The following ENPEP variants were observed in gnomAD, a reference collection of about 807,000 sequenced individuals.
ENPEP encodes the protein AP-A.
In ENPEP, 103 loss-of-function variants were observed where a neutral mutation model predicts 114.5. That is an observed-to-expected ratio of 0.90 (90% confidence interval 0.77 to 1.06). The LOEUF (loss-of-function observed/expected upper bound fraction) is 1.06. ENPEP is among the 50% of genes least tolerant of loss of function. The probability of loss-of-function intolerance (pLI) is 0.00; values close to 1 mark genes in which losing one functional copy is unlikely to be tolerated. For missense variants in ENPEP, 1,196 were observed against 1,161.3 expected, an observed-to-expected ratio of 1.03 and a Z score of -0.43; for synonymous variants, 420 against 422.0, an observed-to-expected ratio of 1.00 and a Z score of 0.06.
chr4:110,516,285 G>A (rs539156241), intron 8 of ENPEP, among the ~76,000 whole-genome samples: 1 of 152,220 alleles, frequency 6.6e-6, no homozygotes, highest in South Asian at 2.1e-4. Flanking sequence ...ATTATTCCAG[G>A]AGATGTTTCT....
intron 14 of ENPEP, among the ~76,000 whole-genome samples, chr4:110,548,568 A>G (rs1727167599): frequency 6.6e-6 from 1 of 152,030 alleles, no homozygotes; most frequent in South Asian, 2.1e-4. Context: ...TTAGTGTTAG[A>G]AGAAATACAA....
At chr4:110,529,484 A>C (rs1726321672) in intron 10 of ENPEP, among the ~76,000 whole-genome samples, 1 of 152,154 alleles carries the variant, frequency 6.6e-6, no homozygotes, top group Admixed American at 6.5e-5. Context: ...TAGAGAAGGA[A>C]AGGAAGCCCA....
chr4:110,494,919 G>T (rs1724870442), intron 3 of ENPEP, among the ~76,000 whole-genome samples: 1 of 152,102 alleles, frequency 6.6e-6, no homozygotes. Context: ...ATTGATTAGG[G>T]TTTTAAAGTA....
chr4:110,483,326 G>A (rs1440086684), intron 1 of ENPEP, among the ~76,000 whole-genome samples: 1 of 152,154 alleles, frequency 6.6e-6, no homozygotes, highest in Non-Finnish European at 1.5e-5. Context: ...TCCCGAATCA[G>A]AAGCTCTGTG....
Position 110,509,677 on chromosome 4 carries a change from G to A in ENPEP, c.1064G>A (p.Gly355Asp). The A allele has an allele frequency of 1.9e-6, 3 of 1,612,894 alleles. No individual in the cohort carries two copies. Among genetic ancestry groups the A allele is most frequent in the Non-Finnish European group, 2.5e-6 (3 of 1,179,716 alleles). ...KLDKIAIPDF[G>D]TGAMENWGLI... is the part of the protein sequence containing the mutation. ...GATAAAATCGCTATTCCAGATTTTG[G>A]CACTGGTGCCATGGAGAACTGGGGA... Residue 355 changes from glycine (G) to aspartate (D), a missense_variant, in exon 5 of 20, where the codon GGC becomes GAC. Physicochemically the swap from Gly to Asp is moderately conservative, Grantham distance 94 (BLOSUM62 -1). Coordinates refer to ENST00000265162, the MANE Select transcript of ENPEP (RefSeq NM_001977.4).
At position 110,549,512 on chromosome 4, in the gene ENPEP, T is replaced by G. The variant is rs1359110194; in HGVS notation, c.2226-16T>G. On this transcript the variant is annotated splice_polypyrimidine_tract_variant and intron_variant, in intron 15 of 19. Transcript: ENST00000265162. The stretch of plus-strand genomic sequence containing the variant: ...AGTGCTTAAGGCCCTGGATTTGTGT[T>G]TGTTTGTTTTTTAAGGTTACTCCGT... 3.7e-6 allele frequency: 6 copies of G among 1,613,194 alleles called. No individual in the cohort carries two copies. The highest frequency in any genetic ancestry group is 1.7e-5 in the Admixed American group (1 of 59,866).
At chr4:110,516,107 G>A (rs538227256) in intron 8 of ENPEP, among the ~76,000 whole-genome samples, 2 of 152,166 alleles carry the variant, frequency 1.3e-5, no homozygotes, top group Admixed American at 6.5e-5. Context: ...ATCTATAAAG[G>A]TCATTCCTTA....
At chr4:110,549,661 G>A in intron 16 of ENPEP, 29 bp downstream of exon 16, 1 of 1,613,076 alleles carries the variant, frequency 6.2e-7, no homozygotes, top group South Asian at 1.1e-5. Flanking sequence ...ATGCTTAGAA[G>A]ACACATTTGA....
At chr4:110,509,507 T>C in intron 4 of ENPEP, 146 bp from the exon 5 acceptor site, 1 of 1,031,284 alleles carries the variant, frequency 9.7e-7, no homozygotes, top group South Asian at 2.0e-5. Flanking sequence ...GACTGAAATG[T>C]TCGCACACAT....
chr4:110,547,244 A>AATATAGTAAACTTCTATAATTT (rs1367137270), intron 13 of ENPEP, among the ~76,000 whole-genome samples: 2 of 152,234 alleles, frequency 1.3e-5, no homozygotes, highest in African/African-American at 4.8e-5. Flanking sequence ...TACACTATAG[A>AATATAGTAAACTTCTATAATTT]ATATAGTAAA....
intron 3 of ENPEP, among the ~76,000 whole-genome samples, chr4:110,498,452 C>A (rs1020423992): frequency 3.3e-5 from 5 of 152,034 alleles, no homozygotes; most frequent in Non-Finnish European, 7.4e-5. Context: ...TATAATTTAT[C>A]ATCTATAAAT....
At chr4:110,520,474 TA>T in intron 10 of ENPEP, 108 bp downstream of exon 10, 1 of 1,191,388 alleles carries the variant, frequency 8.4e-7, no homozygotes, top group Non-Finnish European at 1.2e-6. Flanking sequence ...TATACAAGTA[TA>T]AAGCCACAGT....
intron 17 of ENPEP, among the ~76,000 whole-genome samples, chr4:110,552,818 G>A (rs1459199023): frequency 2.0e-5 from 3 of 151,888 alleles, no homozygotes; most frequent in African/African-American, 7.3e-5. Context: ...AACCATATAG[G>A]TTACATTATA....
chr4:110,507,340 A>C (rs930034605), intron 4 of ENPEP, among the ~76,000 whole-genome samples: 1 of 152,236 alleles, frequency 6.6e-6, no homozygotes, highest in Non-Finnish European at 1.5e-5. Flanking sequence ...AATGGTGTGC[A>C]TATGACATTT....
At chr4:110,512,794 A>G (rs569564120) in intron 6 of ENPEP, 3 of 152,382 alleles carry the variant, frequency 2.0e-5, no homozygotes, top group Admixed American at 6.5e-5. Context: ...ATGGGTGAGG[A>G]AACTTGCTTA....
chr4:110,500,343 A>ATATG (rs1725107299), intron 3 of ENPEP, among the ~76,000 whole-genome samples: 1 of 152,216 alleles, frequency 6.6e-6, no homozygotes, highest in Non-Finnish European at 1.5e-5. Flanking sequence ...CCAAAAGAAT[A>ATATG]TCAGCTGAAT....
intron 1 of ENPEP, among the ~76,000 whole-genome samples, chr4:110,485,280 G>A (rs767510231): frequency 1.2e-4 from 18 of 152,076 alleles, no homozygotes; most frequent in Non-Finnish European, 2.4e-4. Flanking sequence ...CTTAACTGAG[G>A]CTTTTCTTGG....
chr4:110,542,685 T>C, intron 11 of ENPEP, 66 bp from the exon 12 acceptor site: 3 of 1,428,874 alleles, frequency 2.1e-6, no homozygotes, highest in Non-Finnish European at 2.8e-6. Flanking sequence ...GCCCTCTGGG[T>C]CTAATTTCTC....
chr4:110,526,052 G>A (rs1177114010), intron 10 of ENPEP, among the ~76,000 whole-genome samples: 1 of 152,054 alleles, frequency 6.6e-6, no homozygotes, highest in Non-Finnish European at 1.5e-5. Context: ...TAGGTGGGTG[G>A]ATCACTTGAG....
Sources: allele counts gnomAD v4.1 joint callset (sites outside exome capture counted in the v4.1 genomes callset), GRCh38; gene constraint gnomAD v4.1.1; transcripts MANE v1.5; gene names NCBI Gene and HGNC (gene_info 2026-07-23, HGNC 2026-07-21).